The following CHST9 variants were observed in gnomAD, a reference collection of about 807,000 sequenced individuals.
CHST9 encodes the protein carbohydrate sulfotransferase 9, also known as GalNAc-4-sulfotransferase 2.
A neutral mutation model predicts 44.4 loss-of-function variants in CHST9; 41 were observed. That is an observed-to-expected ratio of 0.92 (90% CI 0.72 to 1.20). The LOEUF is 1.20. Ranked by LOEUF, CHST9 falls within the 50% of genes most tolerant of loss-of-function variation. The pLI, the probability that CHST9 is intolerant of heterozygous loss-of-function variation, is 0.00. For missense variants in CHST9, 504 were observed against 516.5 expected (o/e 0.98, Z 0.23); for synonymous variants, 171 against 178.4 (o/e 0.96, Z 0.33).
chr18:26,975,361 G>A (rs2145179115), intron 4 of CHST9, among the ~76,000 whole-genome samples: 1 of 151,964 alleles, frequency 6.6e-6, no homozygotes, highest in East Asian at 1.9e-4. Flanking sequence ...AGGGATTTTA[G>A]GGTATACATC....
chr18:27,138,998 A>G (rs1380573872), intron 2 of CHST9, among the ~76,000 whole-genome samples: 1 of 152,200 alleles, frequency 6.6e-6, no homozygotes, highest in African/African-American at 2.4e-5. Context: ...GTATTATGGA[A>G]CTCTATTGCA....
intron 2 of CHST9, among the ~76,000 whole-genome samples, chr18:27,065,687 T>C (rs1296282301): frequency 2.7e-5 from 4 of 147,098 alleles, no homozygotes; most frequent in Non-Finnish European, 4.5e-5. Context: ...AATATATAAA[T>C]ATGGTAGTCA....
intron 3 of CHST9, among the ~76,000 whole-genome samples, chr18:27,037,296 T>C (rs762837208): frequency 6.6e-6 from 1 of 152,120 alleles, no homozygotes; most frequent in Non-Finnish European, 1.5e-5. Flanking sequence ...GTAACGATAA[T>C]GAATTTGATA....
chr18:27,159,508 G>A (rs1424747627), intron 1 of CHST9, among the ~76,000 whole-genome samples: 2 of 152,266 alleles, frequency 1.3e-5, no homozygotes, highest in South Asian at 2.1e-4. Flanking sequence ...TTTGGTTACT[G>A]TAGCCTTGTA....
chr18:27,082,673 G>C (rs1318333633), intron 2 of CHST9, among the ~76,000 whole-genome samples: 1 of 152,128 alleles, frequency 6.6e-6, no homozygotes, highest in Non-Finnish European at 1.5e-5. Flanking sequence ...TCTCACAGTT[G>C]GTTTCCACTG....
At chr18:27,117,975 C>A (rs2058343390) in intron 2 of CHST9, among the ~76,000 whole-genome samples, 1 of 152,144 alleles carries the variant, frequency 6.6e-6, no homozygotes, top group South Asian at 2.1e-4. Flanking sequence ...TGCCAAACTG[C>A]CTGAGTGACT....
chr18:27,109,895 G>A (rs770247286), intron 2 of CHST9, among the ~76,000 whole-genome samples: 8 of 152,174 alleles, frequency 5.3e-5, no homozygotes, highest in Non-Finnish European at 1.2e-4. Flanking sequence ...GTGGAGAGAA[G>A]TTAGGCCTCT....
intron 5 of CHST9, among the ~76,000 whole-genome samples, chr18:26,941,620 C>G (rs1440096220): frequency 2.0e-5 from 3 of 151,780 alleles, no homozygotes; most frequent in African/African-American, 7.3e-5. Context: ...CAGCATTGAA[C>G]TGCCAAAGAG....
At chr18:26,983,128 A>C (rs1454262354) in intron 4 of CHST9, among the ~76,000 whole-genome samples, 1 of 152,200 alleles carries the variant, frequency 6.6e-6, no homozygotes. Flanking sequence ...GGTATAACCA[A>C]GCATGGTAGG....
At chr18:26,923,144 T>C (rs1035703623) in intron 5 of CHST9, among the ~76,000 whole-genome samples, 1 of 152,172 alleles carries the variant, frequency 6.6e-6, no homozygotes, top group African/African-American at 2.4e-5. Context: ...GGTATTCTCA[T>C]AGGGAAAAGT....
rs1456868775 is a variant in CHST9, at chr18:27,146,742, A to G, written c.-96-3837T>C. Among the ~76,000 whole-genome samples, 7 of 152,186 alleles carry G rather than the reference A, an allele frequency of 4.6e-5. No individual in the cohort carries two copies. The East Asian group carries it at 1.3e-3, about 29-fold the overall frequency. On this transcript the variant is annotated intron_variant, in intron 1 of 5. Coordinates refer to ENST00000618847, the MANE Select transcript of CHST9 (RefSeq NM_031422.6). ...CAATAACAAAATACAGGTAATTGAT[A>G]CTTTTTATAGTTGTATTTGTAAATC...
intron 4 of CHST9, among the ~76,000 whole-genome samples, chr18:27,016,707 G>C (rs1206148511): frequency 1.3e-5 from 2 of 152,148 alleles, no homozygotes; most frequent in Non-Finnish European, 2.9e-5. Context: ...CTTAATAAAG[G>C]TGATGAGGAT....
intron 4 of CHST9, chr18:26,952,329 A>G (rs1015963171): frequency 2.9e-5 from 15 of 509,068 alleles, no homozygotes; most frequent in African/African-American, 9.7e-5. Flanking sequence ...AACTCCACCA[A>G]CTATGTCCTC....
chr18:27,090,456 T>C (rs1354827002), intron 2 of CHST9, among the ~76,000 whole-genome samples: 3 of 152,196 alleles, frequency 2.0e-5, no homozygotes, highest in Admixed American at 6.5e-5. Flanking sequence ...TTTAATTAGA[T>C]ACCATTTGTC....
At chr18:27,089,403 T>C (rs970061612) in intron 2 of CHST9, among the ~76,000 whole-genome samples, 3 of 151,860 alleles carry the variant, frequency 2.0e-5, no homozygotes, top group African/African-American at 7.3e-5. Context: ...TTTCAGTCCT[T>C]GTGATAGTTT....
chr18:27,045,896 A>T (rs1405142811), intron 3 of CHST9, among the ~76,000 whole-genome samples: 1 of 152,082 alleles, frequency 6.6e-6, no homozygotes, highest in Non-Finnish European at 1.5e-5. Context: ...TCCTGGCACC[A>T]TCAGCTAGAC....
At chr18:27,164,717 CAG>C (rs2058776663) in intron 1 of CHST9, among the ~76,000 whole-genome samples, 1 of 152,080 alleles carries the variant, frequency 6.6e-6, no homozygotes, top group Admixed American at 6.5e-5. Context: ...TATATGTTGT[CAG>C]AGAAAAACAA....
intron 4 of CHST9, among the ~76,000 whole-genome samples, chr18:26,999,231 A>G (rs1189349716): frequency 6.6e-6 from 1 of 152,212 alleles, no homozygotes; most frequent in Non-Finnish European, 1.5e-5. Context: ...CTGTCGATTT[A>G]TGGTTCAGAG....
intron 2 of CHST9, among the ~76,000 whole-genome samples, chr18:27,052,016 T>C (rs1051880330): frequency 6.6e-6 from 1 of 152,136 alleles, no homozygotes; most frequent in Non-Finnish European, 1.5e-5. Flanking sequence ...AATATTGGCA[T>C]CTCATGTTTC....
Sources: gnomAD v4.1 joint callset for allele counts (sites outside exome capture counted in the v4.1 genomes callset) on GRCh38, gnomAD v4.1.1 for gene constraint, MANE v1.5 for transcripts, NCBI Gene and HGNC (gene_info 2026-07-23, HGNC 2026-07-21) for gene names.